The following PKNOX2 variants were observed in gnomAD, a reference collection of about 807,000 sequenced individuals.
PKNOX2 encodes the protein homeobox protein PKNOX2.
Under a neutral mutation model 53.1 loss-of-function variants are expected in PKNOX2, and 14 were observed. The observed-to-expected ratio is 0.26, with a 90% CI of 0.17 to 0.41. The LOEUF is 0.41. Ranked by LOEUF, PKNOX2 falls within the 10% of genes least tolerant of loss-of-function variation. The pLI is 1.00. For synonymous variants in PKNOX2, 257 were observed against 242.8 expected (o/e 1.06, Z -0.54); for missense variants, 496 against 602.8 (o/e 0.82, Z 1.85).
chr11:125,314,747 C>G (rs1949051296), intron 2 of PKNOX2, among the ~76,000 whole-genome samples: 1 of 152,164 alleles, frequency 6.6e-6, no homozygotes. Context: ...CCTGCCCTGC[C>G]CCCGAGAGGA....
rs780496194 is a variant in PKNOX2 at position 125,214,764 on chromosome 11, A to G, written c.-200-20281A>G. Reference sequence around the variant, plus strand: ...TTAGACACAGAGCCCTTCCCTCTCCACCCTCCTCTTTTTCTCTCTCTTCTC... The same window carrying G: ...TTAGACACAGAGCCCTTCCCTCTCCGCCCTCCTCTTTTTCTCTCTCTTCTC... On this transcript the variant is annotated intron_variant, in intron 1 of 12. Coordinates refer to ENST00000298282, the MANE Select transcript of PKNOX2 (RefSeq NM_001382323.2). Among the ~76,000 whole-genome samples the G allele has an allele frequency of 2.0e-5, 3 of 151,340 alleles. No homozygotes were observed. In the South Asian group the frequency reaches 6.3e-4, roughly 32 times the overall value.
intron 2 of PKNOX2, among the ~76,000 whole-genome samples, chr11:125,316,669 C>T (rs1175079994): frequency 6.6e-6 from 1 of 152,228 alleles, no homozygotes; most frequent in African/African-American, 2.4e-5. Context: ...AAACAACATA[C>T]ATACCTAATT....
chr11:125,259,133 TAC>T (rs1318324300), intron 2 of PKNOX2: 1 of 153,934 alleles, frequency 6.5e-6, no homozygotes, highest in Non-Finnish European at 1.4e-5. Flanking sequence ...TTAACAAGTG[TAC>T]AGAGAGTGAA....
chr11:125,348,874 T>C (rs1202923592), intron 3 of PKNOX2, among the ~76,000 whole-genome samples: 1 of 152,190 alleles, frequency 6.6e-6, no homozygotes, highest in African/African-American at 2.4e-5. Flanking sequence ...TAGTTGCCCC[T>C]AAGAGGGGGA....
chr11:125,314,711 C>T lies in PKNOX2; in HGVS notation c.-129-17108C>T, dbSNP rs1278746539. On this transcript the variant is annotated intron_variant, in intron 2 of 12. Transcript: ENST00000298282. ...GCCATCCCAGAAACTCTCACCTTGC[C>T]TACTGCTTCCCCAGCCCTGCCCTGC... Among the ~76,000 whole-genome samples, 2 of 152,276 alleles carry T rather than the reference C, an allele frequency of 1.3e-5. 1 individual carries two copies. The highest frequency in any genetic ancestry group is 1.3e-4 in the Admixed American group (2 of 15,302).
At chr11:125,322,306 G>GA (rs1322840852) in intron 2 of PKNOX2, among the ~76,000 whole-genome samples, 1 of 152,138 alleles carries the variant, frequency 6.6e-6, no homozygotes, top group Non-Finnish European at 1.5e-5. Flanking sequence ...GAAAAATGGG[G>GA]AACAGCAGTG....
intron 2 of PKNOX2, among the ~76,000 whole-genome samples, chr11:125,241,715 C>G (rs535775571): frequency 2.6e-5 from 4 of 152,230 alleles, no homozygotes; most frequent in African/African-American, 9.6e-5. Context: ...ATTAGCCAGG[C>G]GTAGTGGCGC....
rs1954926174 is a variant in PKNOX2 at position 125,166,989 on chromosome 11, C to T, written c.-201+2213C>T. The stretch of plus-strand genomic sequence containing the variant: ...ATTACCCAAAGCCCCTGCCCTTGCC[C>T]TCCTGCTCTCTCTGCCGTTCTGGCC... On this transcript the variant is annotated intron_variant, in intron 1 of 12. Transcript: ENST00000298282. This position sits in a 1 kb window ranked among gnomAD's most constrained non-coding sequence, Gnocchi z 4.0. Among the ~76,000 whole-genome samples, 1 of 152,156 alleles carries T rather than the reference C, an allele frequency of 6.6e-6. No individual in the cohort carries two copies. The highest frequency in any genetic ancestry group is 2.1e-4 in the South Asian group (1 of 4,832).
chr11:125,178,609 G>GGAAAGAAAGAAAGAAA (rs369928323), intron 1 of PKNOX2, among the ~76,000 whole-genome samples: 10 of 46,254 alleles, frequency 2.2e-4, no homozygotes, highest in Non-Finnish European at 3.0e-4. Context: ...AAGGAAGGAA[G>GGAAAGAAAGAAAGAAA]GAAAGAAAGA....
chr11:125,367,781 C>T, intron 4 of PKNOX2, 65 bp from the exon 5 acceptor site: 1 of 1,556,728 alleles, frequency 6.4e-7, no homozygotes, highest in Non-Finnish European at 8.7e-7. Context: ...GGACCTCACA[C>T]TACAGCCTGG....
At chr11:125,340,587 G>T (rs534265167) in intron 3 of PKNOX2, among the ~76,000 whole-genome samples, 1 of 152,210 alleles carries the variant, frequency 6.6e-6, no homozygotes, top group Admixed American at 6.5e-5. Context: ...TTAGTGTCAT[G>T]CCTGGGGCAC....
chr11:125,200,035 A>G (rs7103923), intron 1 of PKNOX2, among the ~76,000 whole-genome samples: 47,547 of 151,914 alleles, frequency 0.31, 9,243 homozygotes, highest in African/African-American at 0.55. Context: ...CTGTGATTCC[A>G]CTTTCCCATC....
At chr11:125,429,161 G>A (rs1315564510) in intron 11 of PKNOX2, 73 bp downstream of exon 11, 12 of 1,415,112 alleles carry the variant, frequency 8.5e-6, no homozygotes, top group Non-Finnish European at 1.2e-5. Context: ...TGCGTAGCAG[G>A]GAAAAGAGAC....
At chr11:125,280,696 G>A (rs1419599897) in intron 2 of PKNOX2, among the ~76,000 whole-genome samples, 1 of 152,160 alleles carries the variant, frequency 6.6e-6, no homozygotes, top group Admixed American at 6.5e-5. Context: ...TTACCGTTCA[G>A]TGCTCTCCAT....
intron 3 of PKNOX2, among the ~76,000 whole-genome samples, chr11:125,336,701 ATATAG>A (rs1950447341): frequency 6.8e-6 from 1 of 147,590 alleles, no homozygotes; most frequent in Non-Finnish European, 1.5e-5. Flanking sequence ...TCTCTATATA[ATATAG>A]TATATAGCAT....
intron 10 of PKNOX2, 27 bp downstream of exon 10, chr11:125,411,892 G>A (rs2135554277): frequency 2.5e-6 from 4 of 1,613,644 alleles, no homozygotes; most frequent in Middle Eastern, 1.6e-4. Context: ...TGGGGGTGTG[G>A]AGTCCCGGCA....
intron 1 of PKNOX2, among the ~76,000 whole-genome samples, chr11:125,180,737 C>T (rs1035895144): frequency 3.3e-5 from 5 of 152,188 alleles, no homozygotes; most frequent in Non-Finnish European, 5.9e-5. Context: ...GCTCCTGGGG[C>T]CACATGGCCT....
At chr11:125,357,400 T>C (rs1243344880) in intron 4 of PKNOX2, among the ~76,000 whole-genome samples, 1 of 152,202 alleles carries the variant, frequency 6.6e-6, no homozygotes. Flanking sequence ...AGAAACACTC[T>C]ACTGGCCTGG....
intron 3 of PKNOX2, among the ~76,000 whole-genome samples, chr11:125,342,992 A>G (rs754554191): frequency 5.4e-4 from 82 of 151,970 alleles, no homozygotes; most frequent in Non-Finnish European, 1.0e-3. Context: ...GGGGCTGGAG[A>G]GGAAAACAAA....
Sources: allele counts gnomAD v4.1 joint callset (sites outside exome capture counted in the v4.1 genomes callset), GRCh38; gene constraint gnomAD v4.1.1; non-coding constraint Gnocchi (gnomAD v3.1); transcripts MANE v1.5; gene names NCBI Gene and HGNC (gene_info 2026-07-23, HGNC 2026-07-21).